Variants in PDCD1LG2 observed in about 807,000 individuals in gnomAD.
PDCD1LG2 encodes the protein B7 dendritic cell molecule.
In PDCD1LG2, 32 loss-of-function variants were observed where a neutral mutation model predicts 28.2. The observed-to-expected ratio is 1.13, with a 90% CI of 0.86 to 1.52. PDCD1LG2 has a LOEUF of 1.52. Ranked by LOEUF, PDCD1LG2 falls within the 40% of genes most tolerant of loss-of-function variation. PDCD1LG2 has a pLI of 0.00. For synonymous variants in PDCD1LG2, 116 were observed against 120.2 expected (o/e 0.97, Z 0.23); for missense variants, 385 against 323.8 (o/e 1.19, Z -1.45).
chr9:5,522,568 T>C lies in PDCD1LG2; in HGVS notation c.22T>C (p.Leu8=). 1 of 1,613,790 alleles carries C rather than the reference T, an allele frequency of 6.2e-7. No individual in the cohort carries two copies. The highest frequency in any genetic ancestry group is 1.1e-5 in the South Asian group (1 of 91,032). The change falls in exon 2 of 7, where the codon TTG becomes CTG. Residue 8 remains leucine, a synonymous_variant. Transcript: ENST00000397747. ...GAACATGATCTTCCTCCTGCTAATGTTGAGCCTGGAATTGCAGCTTCACCA... is the reference window on the plus strand; with the variant it reads ...GAACATGATCTTCCTCCTGCTAATGCTGAGCCTGGAATTGCAGCTTCACCA... The part of the protein sequence containing the change: MIFLLLM[L]SLELQLHQIA...
chr9:5,542,511 C>A (rs1820706020), intron 3 of PDCD1LG2, among the ~76,000 whole-genome samples: 1 of 152,040 alleles, frequency 6.6e-6, no homozygotes, highest in Non-Finnish European at 1.5e-5. Context: ...ACGATCCCAT[C>A]AAAAAATGGG....
In PDCD1LG2 at chr9:5,570,212, C is replaced by G; in HGVS notation, c.*253C>G. On this transcript the variant is annotated 3_prime_UTR_variant, in exon 7 of 7. Transcript: ENST00000397747. ...AGCACTACTGCACTTTACAGAATTA[C>G]CCCACTGGATCCTGGACCCACAGAA... 2.4e-6 allele frequency: 1 copy of G among 424,324 alleles called. No individual in the cohort carries two copies. The highest frequency in any genetic ancestry group is 4.3e-6 in the Non-Finnish European group (1 of 234,926). 26.3% of individuals were successfully genotyped at this position (424,324 alleles called of 1,614,324 possible).
Position 5,570,913 on chromosome 9 carries a change from G to A in PDCD1LG2, c.*954G>A, listed in dbSNP as rs1816757672. On this transcript the variant is annotated 3_prime_UTR_variant, in exon 7 of 7. Transcript: ENST00000397747. ...TAAGTAGTCAAGGCCTTTGATAATTGGCACTATGGAAATCCTGCAAGATCC... is the reference window on the plus strand; with the variant it reads ...TAAGTAGTCAAGGCCTTTGATAATTAGCACTATGGAAATCCTGCAAGATCC... 1 of 232,580 alleles carries A rather than the reference G, an allele frequency of 4.3e-6. No individual in the cohort carries two copies. Among genetic ancestry groups the A allele is most frequent in the Non-Finnish European group, 8.5e-6 (1 of 117,734 alleles). 14.4% of individuals were successfully genotyped at this position (232,580 alleles called of 1,614,324 possible).
intron 6 of PDCD1LG2, among the ~76,000 whole-genome samples, chr9:5,564,766 G>C (rs1364962467): frequency 6.6e-6 from 1 of 152,144 alleles, no homozygotes; most frequent in Non-Finnish European, 1.5e-5. Flanking sequence ...TTTTCCTCAA[G>C]TTGAGCTGCT....
intron 3 of PDCD1LG2, among the ~76,000 whole-genome samples, chr9:5,538,280 A>AGAAT (rs1820620389): frequency 6.6e-6 from 1 of 152,122 alleles, no homozygotes; most frequent in African/African-American, 2.4e-5. Flanking sequence ...AGCATGTTTC[A>AGAAT]TACATATTCT....
intron 4 of PDCD1LG2, among the ~76,000 whole-genome samples, chr9:5,553,578 T>C (rs1244889208): frequency 2.0e-5 from 3 of 152,126 alleles, no homozygotes; most frequent in Admixed American, 6.5e-5. Flanking sequence ...TTCTGCATGG[T>C]AGAGATGTGA....
At chr9:5,516,980 C>T (rs111293632) in intron 1 of PDCD1LG2, among the ~76,000 whole-genome samples, 8,386 of 152,268 alleles carry the variant, frequency 0.055, 766 homozygotes, top group African/African-American at 0.19. Flanking sequence ...CAACTCAGTA[C>T]GGGGCGGGAC....
At chr9:5,552,321 G>A (rs887827963) in intron 4 of PDCD1LG2, among the ~76,000 whole-genome samples, 1 of 152,140 alleles carries the variant, frequency 6.6e-6, no homozygotes, top group Non-Finnish European at 1.5e-5. Flanking sequence ...GCTCAAGGTG[G>A]CCAGGCCAGT....
At chr9:5,524,218 C>T (rs1171880811) in intron 2 of PDCD1LG2, among the ~76,000 whole-genome samples, 2 of 152,142 alleles carry the variant, frequency 1.3e-5, no homozygotes, top group East Asian at 1.9e-4. Context: ...TAGGTGACAC[C>T]GGCAAGATTT....
chr9:5,528,715 T>C (rs1352538104), intron 2 of PDCD1LG2, among the ~76,000 whole-genome samples: 4 of 152,206 alleles, frequency 2.6e-5, no homozygotes, highest in Non-Finnish European at 4.4e-5. Flanking sequence ...TTATTGTTTA[T>C]TTTCTTATTG....
At chr9:5,562,820 G>A (rs1346661873) in intron 5 of PDCD1LG2, among the ~76,000 whole-genome samples, 3 of 152,194 alleles carry the variant, frequency 2.0e-5, no homozygotes, top group Non-Finnish European at 4.4e-5. Flanking sequence ...AGGGAAGGCA[G>A]GCAGAAGTAG....
chr9:5,551,509 T>G (rs961039793), intron 4 of PDCD1LG2, among the ~76,000 whole-genome samples: 5 of 152,218 alleles, frequency 3.3e-5, no homozygotes, highest in African/African-American at 1.2e-4. Context: ...CCTCCTAAGA[T>G]GTCTACTCAG....
intron 2 of PDCD1LG2, among the ~76,000 whole-genome samples, chr9:5,522,994 AC>A (rs1183521657): frequency 6.6e-6 from 1 of 152,184 alleles, no homozygotes; most frequent in African/African-American, 2.4e-5. Flanking sequence ...GCCAGGGAAC[AC>A]CGTTACTCTA....
intron 3 of PDCD1LG2, among the ~76,000 whole-genome samples, chr9:5,536,655 C>T (rs1256599292): frequency 6.6e-6 from 1 of 152,224 alleles, no homozygotes; most frequent in Non-Finnish European, 1.5e-5. Context: ...TGAGAACTGT[C>T]TCTCATTCCT....
At chr9:5,518,743 T>G (rs1288707720) in intron 1 of PDCD1LG2, among the ~76,000 whole-genome samples, 1 of 152,218 alleles carries the variant, frequency 6.6e-6, no homozygotes, top group East Asian at 1.9e-4. Flanking sequence ...GCACTCTTCT[T>G]GAGAGAGTTG....
intron 4 of PDCD1LG2, among the ~76,000 whole-genome samples, chr9:5,551,489 A>G (rs1265829671): frequency 6.6e-6 from 1 of 152,184 alleles, no homozygotes; most frequent in Non-Finnish European, 1.5e-5. Flanking sequence ...AAGGACCAGC[A>G]TGTAGACAGC....
At chr9:5,538,131 T>A (rs1820617635) in intron 3 of PDCD1LG2, among the ~76,000 whole-genome samples, 1 of 152,150 alleles carries the variant, frequency 6.6e-6, no homozygotes, top group South Asian at 2.1e-4. Flanking sequence ...ATTTAATAAT[T>A]TATTTATTTT....
At chr9:5,537,576 G>A (rs991511261) in intron 3 of PDCD1LG2, among the ~76,000 whole-genome samples, 2 of 152,142 alleles carry the variant, frequency 1.3e-5, no homozygotes, top group African/African-American at 2.4e-5. Context: ...CATGTCCTTC[G>A]TAGGGACATG....
intron 3 of PDCD1LG2, among the ~76,000 whole-genome samples, chr9:5,537,636 A>T (rs550255780): frequency 1.9e-4 from 29 of 152,294 alleles, no homozygotes; most frequent in African/African-American, 6.5e-4. Flanking sequence ...AGGACAAAAA[A>T]CCAAACACCG....
Sources: gnomAD v4.1 joint callset for allele counts (sites outside exome capture counted in the v4.1 genomes callset) on GRCh38, gnomAD v4.1.1 for gene constraint, MANE v1.5 for transcripts, NCBI Gene and HGNC (gene_info 2026-07-23, HGNC 2026-07-21) for gene names.